SDC2: variants seen among roughly 807,000 people sequenced by gnomAD.
The protein encoded by SDC2 is syndecan-2.
SDC2 carries 13 observed loss-of-function variants against 22.2 expected under a neutral mutation model. The observed-to-expected ratio is 0.59, with a 90% CI of 0.38 to 0.93. The LOEUF is 0.93. Among genes scored for constraint, SDC2 ranks in the 40% least tolerant of loss-of-function variants. SDC2 has a pLI of 0.00. For missense variants in SDC2, 235 were observed against 246.8 expected (o/e 0.95, Z 0.32); for synonymous variants, 94 against 92.8 (o/e 1.01, Z -0.07).
intron 1 of SDC2, among the ~76,000 whole-genome samples, chr8:96,582,618 A>G (rs570240478): frequency 1.1e-4 from 17 of 152,316 alleles, no homozygotes; most frequent in East Asian, 7.7e-4. Context: ...GTGTCCACTT[A>G]TAGGCTTTCC....
chr8:96,547,495 G>A (rs898739196), intron 1 of SDC2, among the ~76,000 whole-genome samples: 3 of 152,218 alleles, frequency 2.0e-5, no homozygotes, highest in African/African-American at 7.2e-5. Flanking sequence ...GGCTCCATGT[G>A]TCTGGCTAAC....
intron 1 of SDC2, among the ~76,000 whole-genome samples, chr8:96,588,988 A>C (rs939185266): frequency 6.6e-6 from 1 of 152,214 alleles, no homozygotes; most frequent in African/African-American, 2.4e-5. Context: ...TATCCTACAA[A>C]TTGTCTTCGC....
At chr8:96,580,761 G>C (rs1433306692) in intron 1 of SDC2, among the ~76,000 whole-genome samples, 1 of 152,162 alleles carries the variant, frequency 6.6e-6, no homozygotes, top group Non-Finnish European at 1.5e-5. Context: ...TTCTAAAAGA[G>C]GGAGCGGGGT....
At chr8:96,607,186 T>G (rs917444798) in intron 3 of SDC2, among the ~76,000 whole-genome samples, 3 of 120,630 alleles carry the variant, frequency 2.5e-5, no homozygotes, top group Non-Finnish European at 4.8e-5. Context: ...CTAAGAACCA[T>G]TTTTGATAAT....
Position 96,559,909 on chromosome 8 carries a change from A to G in SDC2, c.61-33571A>G, listed in dbSNP as rs527757540. On this transcript the variant is annotated intron_variant, in intron 1 of 4. Coordinates refer to ENST00000302190, the MANE Select transcript of SDC2 (RefSeq NM_002998.4). ...CATTTTTGAGTTTGTATTCTTGATA[A>G]TTTGATCTTAAAATGACAAAATATC... is the stretch of plus-strand genomic sequence containing the variant. Among the ~76,000 whole-genome samples the G allele has an allele frequency of 5.3e-5, 8 of 152,304 alleles. No homozygotes were observed. In the East Asian group the frequency reaches 1.5e-3, roughly 29 times the overall value.
chr8:96,499,843 A>G (rs189712848), intron 1 of SDC2, among the ~76,000 whole-genome samples: 44 of 151,708 alleles, frequency 2.9e-4, no homozygotes, highest in African/African-American at 9.7e-4. Flanking sequence ...TAAATAGGTG[A>G]ATTTTCTCTC....
At chr8:96,603,914 C>T (rs1031177973) in intron 3 of SDC2, among the ~76,000 whole-genome samples, 2 of 152,158 alleles carry the variant, frequency 1.3e-5, no homozygotes, top group African/African-American at 4.8e-5. Flanking sequence ...TGCATAAAAG[C>T]TACTGTATCA....
chr8:96,524,617 C>T (rs896825905), intron 1 of SDC2, among the ~76,000 whole-genome samples: 6 of 152,090 alleles, frequency 3.9e-5, no homozygotes, highest in African/African-American at 1.2e-4. Flanking sequence ...GTTTCTTTGT[C>T]CTAGCTCCCC....
intron 1 of SDC2, among the ~76,000 whole-genome samples, chr8:96,542,178 A>T (rs927248170): frequency 7.2e-5 from 11 of 152,174 alleles, no homozygotes; most frequent in African/African-American, 1.2e-4. Flanking sequence ...AATGCCGTGG[A>T]TCATTTTAAC....
At chr8:96,592,859 C>T (rs897573065) in intron 1 of SDC2, among the ~76,000 whole-genome samples, 1 of 152,210 alleles carries the variant, frequency 6.6e-6, no homozygotes, top group Non-Finnish European at 1.5e-5. Context: ...GTCAGGTGAG[C>T]CTCACGGGCG....
intron 1 of SDC2, among the ~76,000 whole-genome samples, chr8:96,536,748 A>C (rs1053975965): frequency 3.9e-5 from 6 of 152,192 alleles, no homozygotes; most frequent in Non-Finnish European, 7.3e-5. Context: ...CATCATAGGT[A>C]CTTTGAGAAA....
intron 1 of SDC2, among the ~76,000 whole-genome samples, chr8:96,575,603 G>A (rs1814474789): frequency 6.6e-6 from 1 of 152,052 alleles, no homozygotes; most frequent in Admixed American, 6.5e-5. Context: ...TTAAATTAAG[G>A]GGTTGGTGAG....
intron 1 of SDC2, among the ~76,000 whole-genome samples, chr8:96,519,068 CGT>C (rs1813454030): frequency 6.6e-6 from 1 of 152,132 alleles, no homozygotes; most frequent in South Asian, 2.1e-4. Flanking sequence ...AGAGCCCTTG[CGT>C]GACAATTTTC....
In SDC2 at chr8:96,584,152, T is replaced by C. The variant is rs190580558; in HGVS notation, c.61-9328T>C. On this transcript the variant is annotated intron_variant, in intron 1 of 4. Transcript: ENST00000302190. ...AGCAGCAGAGTGTTCCATATTCCTA[T>C]TGACATTCAGACTCAGTTCTAGCTC... is the stretch of plus-strand genomic sequence containing the variant. Among the ~76,000 whole-genome samples the C allele has an allele frequency of 2.0e-3, 302 of 152,352 alleles. 1 individual carries two copies. The highest frequency in any genetic ancestry group is 7.0e-3 in the African/African-American group (293 of 41,580).
intron 1 of SDC2, among the ~76,000 whole-genome samples, chr8:96,574,755 TTA>T (rs2130591207): frequency 6.6e-6 from 1 of 152,310 alleles, no homozygotes; most frequent in East Asian, 1.9e-4. Context: ...TATCTTTATT[TTA>T]TGTTTTATGT....
intron 1 of SDC2, among the ~76,000 whole-genome samples, chr8:96,524,668 A>G (rs1244648741): frequency 6.6e-6 from 1 of 152,148 alleles, no homozygotes; most frequent in Non-Finnish European, 1.5e-5. Flanking sequence ...TGGCTGGCGT[A>G]ATGAACCAGT....
intron 1 of SDC2, among the ~76,000 whole-genome samples, chr8:96,565,786 C>T (rs890474793): frequency 6.6e-5 from 10 of 152,110 alleles, no homozygotes; most frequent in African/African-American, 1.7e-4. Context: ...AATGTAACGG[C>T]GTTCCTCCTG....
At chr8:96,546,752 G>A (rs909925521) in intron 1 of SDC2, among the ~76,000 whole-genome samples, 8 of 152,172 alleles carry the variant, frequency 5.3e-5, no homozygotes, top group African/African-American at 1.7e-4. Flanking sequence ...GGGAGAAAGC[G>A]GGTGTATGAA....
chr8:96,494,127 G>C lies in SDC2; in HGVS notation c.-145G>C, dbSNP rs1165524889. 2.6e-6 allele frequency: 2 copies of C among 782,314 alleles called. No individual in the cohort carries two copies. Among genetic ancestry groups the C allele is most frequent in the African/African-American group, 1.9e-5 (1 of 53,736 alleles). 48.5% of individuals were successfully genotyped at this position (782,314 alleles called of 1,614,324 possible). ...GAGGAAGCGAGCGCCCCCGAGCCCC[G>C]AGCCCGAGTCCCCGAGCCTGAGCCG... On this transcript the variant is annotated 5_prime_UTR_variant, in exon 1 of 5. Transcript: ENST00000302190.
Sources: gnomAD v4.1 joint callset for allele counts (sites outside exome capture counted in the v4.1 genomes callset) on GRCh38, gnomAD v4.1.1 for gene constraint, MANE v1.5 for transcripts, NCBI Gene and HGNC (gene_info 2026-07-23, HGNC 2026-07-21) for gene names.